Variants in PRKN observed in about 807,000 individuals in gnomAD.
PRKN encodes the protein parkin RBR E3 ubiquitin protein ligase.
In PRKN, 56 loss-of-function variants were observed where a neutral mutation model predicts 59.5. The observed-to-expected ratio is 0.94, with a 90% CI of 0.76 to 1.18. The LOEUF (loss-of-function observed/expected upper bound fraction) is 1.18. Ranked by LOEUF, PRKN falls within the 50% of genes most tolerant of loss-of-function variation. The pLI is 0.00. For synonymous variants in PRKN, 250 were observed against 222.1 expected (o/e 1.13, Z -1.12); for missense variants, 657 against 596.4 (o/e 1.10, Z -1.06).
chr6:161,972,756 G>C (rs1208012569), intron 6 of PRKN, among the ~76,000 whole-genome samples: 1 of 152,150 alleles, frequency 6.6e-6, no homozygotes, highest in East Asian at 1.9e-4. Flanking sequence ...TCCTGGCCGG[G>C]TGCAGTGGCT....
At chr6:162,099,871 T>C (rs1369839984) in intron 4 of PRKN, among the ~76,000 whole-genome samples, 1 of 152,202 alleles carries the variant, frequency 6.6e-6, no homozygotes, top group Non-Finnish European at 1.5e-5. Flanking sequence ...TACATCACTT[T>C]TTCCTCCTGA....
At chr6:162,658,401 C>T (rs1451618676) in intron 1 of PRKN, among the ~76,000 whole-genome samples, 1 of 152,126 alleles carries the variant, frequency 6.6e-6, no homozygotes, top group South Asian at 2.1e-4. Flanking sequence ...CCGGGCATGG[C>T]GGCTCACGCC....
intron 1 of PRKN, among the ~76,000 whole-genome samples, chr6:162,567,155 G>A (rs577244668): frequency 7.6e-6 from 1 of 131,216 alleles, no homozygotes; most frequent in Non-Finnish European, 1.7e-5. Context: ...AGACCCACAG[G>A]TAGTATCATA....
At chr6:161,747,189 TAA>T (rs1788469184) in intron 7 of PRKN, among the ~76,000 whole-genome samples, 1 of 152,178 alleles carries the variant, frequency 6.6e-6, no homozygotes, top group East Asian at 1.9e-4. Context: ...CCCTGTCCTA[TAA>T]TATAACCTAT....
intron 9 of PRKN, among the ~76,000 whole-genome samples, chr6:161,516,543 G>C (rs977679427): frequency 6.8e-6 from 1 of 147,778 alleles, no homozygotes; most frequent in African/African-American, 2.5e-5. Flanking sequence ...AAGAAGAAAA[G>C]TGGGCTAGGT....
At position 161,414,758 on chromosome 6, in the gene PRKN, C is replaced by G. The variant is rs142941727; in HGVS notation, c.1084-27881G>C. On this transcript the variant is annotated intron_variant, in intron 9 of 11. Coordinates refer to ENST00000366898, the MANE Select transcript of PRKN (RefSeq NM_004562.3). The surrounding 1 kb of genome is among the most constrained non-coding windows in gnomAD (Gnocchi z 5.3). ...ATGAAAGGCACATTATGCTTCTCCA[C>G]CAGAGGAGGGTCTCCGCAGGCAGGG... Among the ~76,000 whole-genome samples the G allele has an allele frequency of 2.0e-5, 3 of 152,280 alleles. No individual in the cohort carries two copies. The East Asian group carries it at 5.8e-4, about 29-fold the overall frequency.
chr6:162,708,512 C>G (rs914032708), intron 1 of PRKN, among the ~76,000 whole-genome samples: 13 of 152,194 alleles, frequency 8.5e-5, no homozygotes, highest in African/African-American at 3.1e-4. Context: ...TTGAAACAAC[C>G]TAACACGGCT....
chr6:161,794,820 G>A (rs968336299), intron 6 of PRKN, among the ~76,000 whole-genome samples: 1 of 152,066 alleles, frequency 6.6e-6, no homozygotes, highest in East Asian at 1.9e-4. Context: ...AGATAACATC[G>A]ATGTGCTATT....
chr6:161,952,673 G>A (rs965042399), intron 6 of PRKN, among the ~76,000 whole-genome samples: 5 of 152,140 alleles, frequency 3.3e-5, no homozygotes, highest in African/African-American at 1.2e-4. Context: ...CTATGTGCCT[G>A]GCACAGAATG....
At chr6:161,732,131 C>T (rs749709284) in intron 7 of PRKN, among the ~76,000 whole-genome samples, 26 of 151,028 alleles carry the variant, frequency 1.7e-4, no homozygotes, top group Admixed American at 4.6e-4. Context: ...CTGTCACCCA[C>T]GCTGGAGTGT....
chr6:162,189,320 G>A (rs1006439540), intron 4 of PRKN, among the ~76,000 whole-genome samples: 2 of 150,970 alleles, frequency 1.3e-5, no homozygotes, highest in Non-Finnish European at 2.9e-5. Context: ...TATATCGGAG[G>A]GAATTGAGAC....
chr6:161,358,342 G>A (rs1784841804), intron 11 of PRKN, among the ~76,000 whole-genome samples: 1 of 146,914 alleles, frequency 6.8e-6, no homozygotes, highest in African/African-American at 2.6e-5. Context: ...GGGCACAGTG[G>A]CTCACACCCG....
chr6:162,390,534 C>T (rs900706188), intron 2 of PRKN, among the ~76,000 whole-genome samples: 3 of 151,640 alleles, frequency 2.0e-5, no homozygotes, highest in Admixed American at 6.6e-5. Flanking sequence ...CTTCGCCTCC[C>T]GGGTTCAAGT....
intron 6 of PRKN, among the ~76,000 whole-genome samples, chr6:161,960,152 T>C (rs1256048172): frequency 6.6e-6 from 1 of 152,116 alleles, no homozygotes; most frequent in Non-Finnish European, 1.5e-5. Flanking sequence ...GCCACCACAC[T>C]GGAAAAAAAA....
chr6:162,579,707 TTCA>T (rs1780711141), intron 1 of PRKN, among the ~76,000 whole-genome samples: 6 of 116,636 alleles, frequency 5.1e-5, no homozygotes, highest in Admixed American at 5.0e-4. Flanking sequence ...ACACACAAAT[TTCA>T]CACACACAAA....
intron 6 of PRKN, among the ~76,000 whole-genome samples, chr6:161,942,411 AT>A (rs1490794287): frequency 1.3e-5 from 2 of 152,114 alleles, no homozygotes; most frequent in Non-Finnish European, 2.9e-5. Context: ...GATGCCTGTA[AT>A]TCCAGCTACT....
chr6:161,887,659 T>A (rs1287246817), intron 6 of PRKN, among the ~76,000 whole-genome samples: 1 of 152,200 alleles, frequency 6.6e-6, no homozygotes, highest in Non-Finnish European at 1.5e-5. Flanking sequence ...GAAAACATTT[T>A]CCAGCAGATA....
chr6:162,339,639 A>G (rs564015611), intron 2 of PRKN, among the ~76,000 whole-genome samples: 15 of 151,754 alleles, frequency 9.9e-5, no homozygotes, highest in Admixed American at 2.6e-4. Flanking sequence ...TGGGAGGTGT[A>G]CCCAACAGCT....
chr6:161,951,214 G>T (rs1464275491), intron 6 of PRKN, among the ~76,000 whole-genome samples: 2 of 152,044 alleles, frequency 1.3e-5, no homozygotes, highest in Non-Finnish European at 2.9e-5. Context: ...AAACAGTATG[G>T]CAAGACAGGC....
Sources: allele counts gnomAD v4.1 joint callset (sites outside exome capture counted in the v4.1 genomes callset), GRCh38; gene constraint gnomAD v4.1.1; non-coding constraint Gnocchi (gnomAD v3.1); transcripts MANE v1.5; gene names NCBI Gene and HGNC (gene_info 2026-07-23, HGNC 2026-07-21).